Variants in FKBP9 observed in about 807,000 individuals in gnomAD.
The protein encoded by FKBP9 is peptidyl-prolyl cis-trans isomerase FKBP9.
In FKBP9, 27 loss-of-function variants were observed where a neutral mutation model predicts 55.6. The ratio of observed to expected loss-of-function variants is 0.49; its 90% confidence interval spans 0.36 to 0.67. FKBP9 has a LOEUF of 0.67. FKBP9 is among the 30% of genes least tolerant of loss of function. The pLI, the probability that FKBP9 is intolerant of heterozygous loss-of-function variation, is 0.00. For missense variants in FKBP9, 539 were observed against 742.8 expected (o/e 0.73, Z 3.19); for synonymous variants, 267 against 296.5 (o/e 0.90, Z 1.02).
At chr7:32,996,467 T>G (rs1784788932) in intron 7 of FKBP9, 118 bp downstream of exon 7, 1 of 657,610 alleles carries the variant, frequency 1.5e-6, no homozygotes, top group Non-Finnish European at 2.7e-6. Context: ...GCTGCCCCAC[T>G]GCATAGCTCG....
At chr7:32,984,366 T>G (rs1028930254) in intron 5 of FKBP9, among the ~76,000 whole-genome samples, 23 of 152,138 alleles carry the variant, frequency 1.5e-4, no homozygotes, top group African/African-American at 5.3e-4. Context: ...CCAGAGTAGC[T>G]GGGACTACAG....
intron 1 of FKBP9, among the ~76,000 whole-genome samples, chr7:32,970,080 G>A (rs190403474): frequency 1.3e-5 from 2 of 152,064 alleles, no homozygotes; most frequent in African/African-American, 2.4e-5. Context: ...CAGGATTTTG[G>A]TAGGAATTGC....
At chr7:32,993,721 G>A (rs1784729457) in intron 6 of FKBP9, among the ~76,000 whole-genome samples, 1 of 152,010 alleles carries the variant, frequency 6.6e-6, no homozygotes, top group South Asian at 2.1e-4. Context: ...GCTGAGGCAG[G>A]GAAATCGCTT....
intron 7 of FKBP9, among the ~76,000 whole-genome samples, chr7:32,997,889 T>C (rs1197240794): frequency 1.3e-5 from 2 of 152,206 alleles, no homozygotes; most frequent in Non-Finnish European, 2.9e-5. Context: ...CCTCTCGGTA[T>C]GGGATCCTGT....
At chr7:32,977,832 CAT>C (rs1467823088) in intron 4 of FKBP9, among the ~76,000 whole-genome samples, 24 of 136,850 alleles carry the variant, frequency 1.8e-4, no homozygotes, top group Admixed American at 7.5e-4. Context: ...TATACACGCC[CAT>C]ATATATATAT....
At chr7:32,997,955 CA>C (rs1784850346) in intron 7 of FKBP9, among the ~76,000 whole-genome samples, 2 of 152,212 alleles carry the variant, frequency 1.3e-5, no homozygotes, top group African/African-American at 4.8e-5. Context: ...GGAAACATTT[CA>C]TGTATCTCTG....
intron 6 of FKBP9, among the ~76,000 whole-genome samples, chr7:32,989,761 C>T (rs1043497863): frequency 2.0e-5 from 3 of 152,142 alleles, no homozygotes; most frequent in Non-Finnish European, 4.4e-5. Context: ...GCAGAATATT[C>T]AGCCCCTCCA....
At chr7:32,962,265 A>G (rs1313207262) in intron 1 of FKBP9, among the ~76,000 whole-genome samples, 1 of 152,056 alleles carries the variant, frequency 6.6e-6, no homozygotes, top group Non-Finnish European at 1.5e-5. Context: ...GTGGTGGCGC[A>G]TGCCTGCAAT....
intron 4 of FKBP9, chr7:32,979,658 T>C: frequency 1.9e-6 from 2 of 1,075,728 alleles, no homozygotes; most frequent in Non-Finnish European, 2.8e-6. Flanking sequence ...ATTTATTGGT[T>C]GATGTTGATC....
chr7:32,969,033 T>A (rs1235682513), intron 1 of FKBP9, among the ~76,000 whole-genome samples: 1 of 152,348 alleles, frequency 6.6e-6, no homozygotes, highest in East Asian at 1.9e-4. Flanking sequence ...TGTTGGCCAT[T>A]TGTATATCTT....
chr7:32,976,251 G>T, intron 3 of FKBP9, 103 bp from the exon 4 acceptor site: 1 of 1,339,498 alleles, frequency 7.5e-7, no homozygotes. Flanking sequence ...ATGGGTATGG[G>T]ATCATCGTTT....
intron 5 of FKBP9, among the ~76,000 whole-genome samples, chr7:32,983,568 G>A (rs1277979579): frequency 1.3e-5 from 2 of 152,018 alleles, no homozygotes; most frequent in African/African-American, 4.8e-5. Flanking sequence ...GCCCGCCTCG[G>A]CCTCCCAAAG....
At chr7:32,976,228 G>C (rs1784361188) in intron 3 of FKBP9, 126 bp from the exon 4 acceptor site, 1 of 1,035,130 alleles carries the variant, frequency 9.7e-7, no homozygotes, top group African/African-American at 1.6e-5. Flanking sequence ...ATCCATAAAT[G>C]TCTATCTCTA....
chr7:32,983,644 A>C (rs1223924481), intron 5 of FKBP9, among the ~76,000 whole-genome samples: 1 of 152,170 alleles, frequency 6.6e-6, no homozygotes, highest in Non-Finnish European at 1.5e-5. Flanking sequence ...CTTTTGATAC[A>C]TACTACCAAG....
intron 1 of FKBP9, among the ~76,000 whole-genome samples, chr7:32,958,628 T>C (rs1783953609): frequency 6.8e-6 from 1 of 147,376 alleles, no homozygotes; most frequent in African/African-American, 2.4e-5. Flanking sequence ...GCCATTGCAC[T>C]GCAGCCTGGG....
At chr7:33,003,958 G>A (rs896790390) in intron 9 of FKBP9, among the ~76,000 whole-genome samples, 2 of 151,572 alleles carry the variant, frequency 1.3e-5, no homozygotes, top group African/African-American at 4.9e-5. Context: ...CCTCATTTAT[G>A]GAACCCCTGC....
intron 5 of FKBP9, among the ~76,000 whole-genome samples, chr7:32,984,170 T>C (rs1238505274): frequency 6.6e-6 from 1 of 151,256 alleles, no homozygotes. Context: ...CCCTCAAGCC[T>C]TTTAATGGTT....
intron 1 of FKBP9, among the ~76,000 whole-genome samples, chr7:32,958,973 T>G (rs1351508801): frequency 6.6e-6 from 1 of 151,990 alleles, no homozygotes; most frequent in Non-Finnish European, 1.5e-5. Context: ...AGGCCTAGGG[T>G]CATTACGAAT....
chr7:32,975,546 G>T (rs1784341564), intron 3 of FKBP9, among the ~76,000 whole-genome samples, 175 bp downstream of exon 3: 1 of 152,144 alleles, frequency 6.6e-6, no homozygotes, highest in Non-Finnish European at 1.5e-5. Flanking sequence ...CTTCTCTGGT[G>T]CCAGAGTCAA....
Sources: gnomAD v4.1 joint callset for allele counts (sites outside exome capture counted in the v4.1 genomes callset) on GRCh38, gnomAD v4.1.1 for gene constraint, MANE v1.5 for transcripts, NCBI Gene and HGNC (gene_info 2026-07-23, HGNC 2026-07-21) for gene names.